Variants in ESRP1 observed in about 807,000 individuals in gnomAD.
ESRP1 encodes epithelial splicing regulatory protein 1.
Under a neutral mutation model 81.7 loss-of-function variants are expected in ESRP1, and 33 were observed. The ratio of observed to expected loss-of-function variants is 0.40; its 90% CI spans 0.31 to 0.54. The LOEUF is 0.54. Among genes scored for constraint, ESRP1 ranks in the 20% least tolerant of loss-of-function variants. The probability of loss-of-function intolerance (pLI) is 0.41; values close to 1 mark genes in which losing one functional copy is unlikely to be tolerated. For missense variants in ESRP1, 672 were observed against 833.1 expected (o/e 0.81, Z 2.38); for synonymous variants, 320 against 303.3 (o/e 1.06, Z -0.57).
In ESRP1 at chr8:94,641,226, T is replaced by G. The variant is rs1817565698; in HGVS notation, c.-93T>G. On this transcript the variant is annotated 5_prime_UTR_variant, in exon 1 of 16. Coordinates refer to ENST00000433389, the MANE Select transcript of ESRP1 (RefSeq NM_017697.4). Reference sequence around the variant, plus strand: ...GGGGTGGGCGCTCTTTCTTTTTCTCTTAGAAGAGGGTTTAGCACAGGTTTT... The same window carrying G: ...GGGGTGGGCGCTCTTTCTTTTTCTCGTAGAAGAGGGTTTAGCACAGGTTTT... The G allele has an allele frequency of 2.4e-6, 3 of 1,270,890 alleles. No homozygotes were observed. Among genetic ancestry groups the G allele is most frequent in the South Asian group, 3.0e-5 (2 of 66,750 alleles). 78.7% of individuals were successfully genotyped at this position (1,270,890 alleles called of 1,614,324 possible).
chr8:94,662,418 TTC>T, intron 5 of ESRP1, 48 bp downstream of exon 5: 1 of 1,532,078 alleles, frequency 6.5e-7, no homozygotes. Flanking sequence ...CATACTATTT[TTC>T]TCTTACCTAT....
At position 94,643,375 on chromosome 8, in the gene ESRP1, C is replaced by A; in HGVS notation, c.334C>A (p.Leu112Ile). 6.2e-7 allele frequency: 1 copy of A among 1,613,776 alleles called. No individual in the cohort carries two copies. Among genetic ancestry groups the A allele is most frequent in the Non-Finnish European group, 8.5e-7 (1 of 1,179,690 alleles). ...TSFCLCTDGQ[L>I]HVRQILHPEA... ...CTTCTGTCTCTGTACTGATGGGCAG[C>A]TTCATGTCAGGCAAATCCTGCATCC... The change falls in exon 3 of 16, where the codon CTT (leucine) becomes ATT (isoleucine). Residue 112 changes from leucine (L) to isoleucine (I), a missense_variant. Leu to Ile is a conservative substitution (Grantham distance 5). Coordinates refer to ENST00000433389, the MANE Select transcript of ESRP1 (RefSeq NM_017697.4).
intron 1 of ESRP1, 139 bp downstream of exon 1, chr8:94,641,589 G>A: frequency 1.6e-5 from 20 of 1,255,148 alleles, no homozygotes; most frequent in Non-Finnish European, 2.0e-5. Flanking sequence ...GAGGCCTAGG[G>A]AAGCTAGAGT....
chr8:94,703,109 T>TTC (rs372588130), intron 15 of ESRP1, among the ~76,000 whole-genome samples: 935 of 20,068 alleles, frequency 0.047, 4 homozygotes, highest in African/African-American at 0.22. Flanking sequence ...AGATTGATTG[T>TTC]TTTTTTTTTT....
intron 15 of ESRP1, among the ~76,000 whole-genome samples, chr8:94,705,089 G>A (rs961230732): frequency 2.0e-5 from 3 of 150,110 alleles, no homozygotes; most frequent in Non-Finnish European, 3.0e-5. Flanking sequence ...CCATATAAAG[G>A]TGCTAATCAT....
At chr8:94,641,820 G>A in intron 1 of ESRP1, 136 bp from the exon 2 acceptor site, 1 of 1,388,330 alleles carries the variant, frequency 7.2e-7, no homozygotes, top group Non-Finnish European at 9.6e-7. Flanking sequence ...GGAACCGATG[G>A]CGAGTCGAGA....
At position 94,660,389 on chromosome 8, in the gene ESRP1, G is replaced by T. The variant is rs186293264; in HGVS notation, c.491-1883G>T. ...GGCCAAGGTAGGTAGATCATTTGAGGCCAGGAGTTCAAGACCAGCCTGGCC... is the reference window on the plus strand; with the variant it reads ...GGCCAAGGTAGGTAGATCATTTGAGTCCAGGAGTTCAAGACCAGCCTGGCC... On this transcript the variant is annotated intron_variant, in intron 4 of 15. Transcript: ENST00000433389. 2.5e-3 allele frequency among the ~76,000 whole-genome samples: 385 copies of T among 152,234 alleles called. 1 individual carries two copies. The highest frequency in any genetic ancestry group is 8.7e-3 in the African/African-American group (363 of 41,542).
At position 94,668,129 on chromosome 8, in the gene ESRP1, G is replaced by C; in HGVS notation, c.1112G>C (p.Gly371Ala). ...ACCTACCCAGATGGTAGGCCAACAG[G>C]GGACGCTTTTGTCCTCTTTGCCTGT... is the stretch of plus-strand genomic sequence containing the variant. Reference protein sequence around the residue: ...FVTYPDGRPTGDAFVLFACEE... With the variant: ...FVTYPDGRPTADAFVLFACEE... Residue 371 changes from glycine (G) to alanine (A), a missense_variant, in exon 10 of 16, where the codon GGG becomes GCG. Transcript: ENST00000433389. 2 of 1,613,994 alleles carry C rather than the reference G, an allele frequency of 1.2e-6. No individual in the cohort carries two copies. Among genetic ancestry groups the C allele is most frequent in the Non-Finnish European group, 1.7e-6 (2 of 1,179,898 alleles).
chr8:94,692,244 T>C (rs1209867503), intron 13 of ESRP1, among the ~76,000 whole-genome samples: 2 of 152,212 alleles, frequency 1.3e-5, no homozygotes, highest in Non-Finnish European at 2.9e-5. Flanking sequence ...GTCTATTCTT[T>C]GGTGCAATCA....
At chr8:94,655,336 C>T (rs1277167850) in intron 4 of ESRP1, among the ~76,000 whole-genome samples, 1 of 151,238 alleles carries the variant, frequency 6.6e-6, no homozygotes, top group Non-Finnish European at 1.5e-5. Flanking sequence ...ATCCACCCGC[C>T]TCGGCCTCCC....
At chr8:94,682,563 C>T (rs1414562719) in intron 13 of ESRP1, among the ~76,000 whole-genome samples, 1 of 150,502 alleles carries the variant, frequency 6.6e-6, no homozygotes, top group East Asian at 2.0e-4. Context: ...GACGGGGTCT[C>T]ACTTTGTTGC....
At chr8:94,671,999 C>T (rs1819354526) in intron 11 of ESRP1, among the ~76,000 whole-genome samples, 1 of 152,148 alleles carries the variant, frequency 6.6e-6, no homozygotes, top group Non-Finnish European at 1.5e-5. Context: ...ATTTCTTCAT[C>T]ACAAATATCC....
chr8:94,690,066 C>T (rs895497102), intron 13 of ESRP1, among the ~76,000 whole-genome samples: 1 of 151,732 alleles, frequency 6.6e-6, no homozygotes, highest in African/African-American at 2.4e-5. Context: ...GATCCACCTA[C>T]CTTGGCCTCC....
intron 13 of ESRP1, 42 bp from the exon 14 acceptor site, chr8:94,692,635 T>C: frequency 6.3e-7 from 1 of 1,587,012 alleles, no homozygotes; most frequent in Non-Finnish European, 8.6e-7. Flanking sequence ...GTATTCAACA[T>C]TGTCTATTCC....
intron 4 of ESRP1, among the ~76,000 whole-genome samples, chr8:94,660,374 G>A (rs1247776095): frequency 2.0e-5 from 3 of 152,192 alleles, no homozygotes; most frequent in Non-Finnish European, 4.4e-5. Flanking sequence ...GGCCAAGGTA[G>A]GTAGATCATT....
rs534402534 is a variant in ESRP1, at chr8:94,662,886, C to A, written c.644+331C>A. On this transcript the variant is annotated intron_variant, in intron 6 of 15. Coordinates refer to ENST00000433389, the MANE Select transcript of ESRP1 (RefSeq NM_017697.4). ...CCTCCCAAAGTGCTGGGATTACAGG[C>A]GTGAGCCACCTCGCCCGGCCTTTAA... 4.6e-5 allele frequency among the ~76,000 whole-genome samples: 7 copies of A among 152,268 alleles called. No homozygotes were observed. The East Asian group carries it at 1.4e-3, about 29-fold the overall frequency.
At chr8:94,689,295 T>TG (rs903860668) in intron 13 of ESRP1, among the ~76,000 whole-genome samples, 2 of 147,866 alleles carry the variant, frequency 1.4e-5, no homozygotes, top group Non-Finnish European at 3.0e-5. Context: ...GAACATGGGC[T>TG]GCCTTTCCAT....
chr8:94,651,606 G>A (rs1320435788), intron 4 of ESRP1, among the ~76,000 whole-genome samples: 1 of 149,512 alleles, frequency 6.7e-6, no homozygotes, highest in African/African-American at 2.5e-5. Flanking sequence ...GATGACAAAA[G>A]GGTTTAGGAA....
At chr8:94,662,682 A>G in intron 6 of ESRP1, 127 bp downstream of exon 6, 1 of 737,364 alleles carries the variant, frequency 1.4e-6, no homozygotes, top group Non-Finnish European at 2.2e-6. Flanking sequence ...ATCTCAGCTC[A>G]CTGCAAGCTC....
Sources: allele counts gnomAD v4.1 joint callset (sites outside exome capture counted in the v4.1 genomes callset), GRCh38; gene constraint gnomAD v4.1.1; transcripts MANE v1.5; gene names NCBI Gene and HGNC (gene_info 2026-07-23, HGNC 2026-07-21).